PCM1: variants seen among roughly 807,000 people sequenced by gnomAD.
PCM1 encodes the protein pericentriolar material 1 protein.
PCM1 carries 157 observed loss-of-function variants against 241.9 expected under a neutral mutation model. The ratio of observed to expected loss-of-function variants is 0.65; its 90% confidence interval spans 0.57 to 0.74. The LOEUF (loss-of-function observed/expected upper bound fraction) is 0.74. Among genes scored for constraint, PCM1 ranks in the 30% least tolerant of loss-of-function variants. The pLI, the probability that PCM1 is intolerant of heterozygous loss-of-function variation, is 0.00. For synonymous variants in PCM1, 1,085 were observed against 784.9 expected (o/e 1.38, Z -6.39); for missense variants, 3,478 against 2,360.1 (o/e 1.47, Z -9.81).
intron 2 of PCM1, among the ~76,000 whole-genome samples, chr8:17,932,064 T>C (rs2059195685): frequency 6.6e-6 from 1 of 152,172 alleles, no homozygotes; most frequent in African/African-American, 2.4e-5. Context: ...TACTTTTTTA[T>C]ATTACTTTTT....
At chr8:17,945,628 A>C (rs566119891) in intron 6 of PCM1, among the ~76,000 whole-genome samples, 1 of 152,188 alleles carries the variant, frequency 6.6e-6, no homozygotes, top group Admixed American at 6.5e-5. Context: ...ACAGTTACTC[A>C]TGCTCATTCA....
rs1267696249 is a variant in PCM1, at chr8:17,986,070, C to G, written c.4393C>G (p.Leu1465Val). 1.3e-6 allele frequency: 2 copies of G among 1,582,114 alleles called. No homozygotes were observed. The highest frequency in any genetic ancestry group is 1.7e-6 in the Non-Finnish European group (2 of 1,164,314). ...SNSELTPSES[L>V]ATTDDETFEK... is the part of the protein sequence containing the mutation. ...CTCAGAACTTACTCCTAGTGAGAGC[C>G]TTGCTACTACTGATGATGTAAGCTG... Residue 1465 changes from leucine to valine, a missense_variant, in exon 26 of 39, where the codon CTT becomes GTT. Physicochemically the swap from Leu to Val is conservative, Grantham distance 32. Coordinates refer to ENST00000325083, the MANE Select transcript of PCM1 (RefSeq NM_006197.4).
At chr8:17,970,824 G>C (rs1380088186) in intron 22 of PCM1, among the ~76,000 whole-genome samples, 1 of 151,918 alleles carries the variant, frequency 6.6e-6, no homozygotes, top group African/African-American at 2.4e-5. Flanking sequence ...TATTATTTTA[G>C]ATATTTGGCC....
intron 2 of PCM1, among the ~76,000 whole-genome samples, chr8:17,931,247 T>C (rs997411264): frequency 6.6e-6 from 1 of 152,184 alleles, no homozygotes; most frequent in Non-Finnish European, 1.5e-5. Flanking sequence ...GGGGAATTTA[T>C]TGTGATAGGG....
chr8:18,025,610 A>T lies in PCM1; in HGVS notation c.6001A>T (p.Met2001Leu). 6.3e-7 allele frequency: 1 copy of T among 1,581,192 alleles called. No homozygotes were observed. The highest frequency in any genetic ancestry group is 1.2e-5 in the South Asian group (1 of 85,840). The change falls in exon 38 of 39, where the codon ATG becomes TTG. Residue 2001 changes from methionine to leucine, a missense_variant. Physicochemically the swap from Met to Leu is conservative, Grantham distance 15 (BLOSUM62 2). Transcript: ENST00000325083. ...KNHLSGEICE[M>L]QTEELAGNSE... ...CCATTTATCTGGTGAAATATGTGAAATGCAGACCGAAGAATTAGCTGGAAA... is the reference window on the plus strand; with the variant it reads ...CCATTTATCTGGTGAAATATGTGAATTGCAGACCGAAGAATTAGCTGGAAA...
chr8:17,926,460 G>T (rs2056995587), intron 2 of PCM1: 5 of 152,224 alleles, frequency 3.3e-5, no homozygotes, highest in Admixed American at 3.3e-4. Context: ...AACAGACAGG[G>T]TGCCTTTCTT....
At chr8:17,929,475 C>T (rs531787975) in intron 2 of PCM1, among the ~76,000 whole-genome samples, 31 of 152,152 alleles carry the variant, frequency 2.0e-4, no homozygotes, top group South Asian at 6.2e-4. Context: ...ATTTGTCAAC[C>T]GGACAATTTT....
At chr8:17,978,419 G>C (rs1587631987) in intron 23 of PCM1, among the ~76,000 whole-genome samples, 1 of 152,172 alleles carries the variant, frequency 6.6e-6, no homozygotes, top group Non-Finnish European at 1.5e-5. Flanking sequence ...CCTATGCAGA[G>C]TCTGGCAAAA....
intron 31 of PCM1, 58 bp downstream of exon 31, chr8:18,009,802 C>T (rs560995106): frequency 1.9e-6 from 2 of 1,061,126 alleles, no homozygotes; most frequent in Non-Finnish European, 2.5e-6. Context: ...AGTTCTTGAT[C>T]ATTATTATTA....
At chr8:18,011,523 C>T (rs1489909259) in intron 33 of PCM1, 144 bp from the exon 34 acceptor site, 8 of 1,056,042 alleles carry the variant, frequency 7.6e-6, no homozygotes, top group Non-Finnish European at 1.1e-5. Flanking sequence ...AGACTTTCTG[C>T]ACTGTAAGTT....
At position 17,969,704 on chromosome 8, in the gene PCM1, A is replaced by G; in HGVS notation, c.3540A>G (p.Pro1180=). ...SSGKTEYMAF[P]KPFESSSSIG... Reference sequence around the variant, plus strand: ...GAAAAACAGAATATATGGCTTTTCCAAAACCTTTTGAAAGCAGTTCCTCTA... The same window carrying G: ...GAAAAACAGAATATATGGCTTTTCCGAAACCTTTTGAAAGCAGTTCCTCTA... The change falls in exon 22 of 39, where the codon CCA becomes CCG. Residue 1180 remains proline, a synonymous_variant. Transcript: ENST00000325083. 12 of 1,612,558 alleles carry G rather than the reference A, an allele frequency of 7.4e-6. No individual in the cohort carries two copies. The highest frequency in any genetic ancestry group is 9.3e-6 in the Non-Finnish European group (11 of 1,179,280).
At chr8:17,936,493 A>C (rs899227339) in intron 3 of PCM1, among the ~76,000 whole-genome samples, 1 of 152,176 alleles carries the variant, frequency 6.6e-6, no homozygotes, top group African/African-American at 2.4e-5. Context: ...TCTATTTGAA[A>C]CTATAAGCAC....
At chr8:17,939,040 T>G in intron 5 of PCM1, 31 bp downstream of exon 5, 1 of 1,607,522 alleles carries the variant, frequency 6.2e-7, no homozygotes, top group South Asian at 1.1e-5. Flanking sequence ...TGCTCATTCT[T>G]TACACAAACC....
chr8:18,024,680 A>C (rs764485035), intron 36 of PCM1, among the ~76,000 whole-genome samples: 1 of 152,182 alleles, frequency 6.6e-6, no homozygotes, highest in Non-Finnish European at 1.5e-5. Flanking sequence ...AAATGGTCAA[A>C]TTTATGGGCT....
chr8:17,947,415 T>C (rs988689786), intron 7 of PCM1, 52 bp downstream of exon 7: 1 of 1,286,218 alleles, frequency 7.8e-7, no homozygotes, highest in African/African-American at 1.5e-5. Context: ...CATACATAAT[T>C]GTATTGCAGG....
chr8:18,000,201 C>T (rs186639318), intron 29 of PCM1, among the ~76,000 whole-genome samples: 9 of 152,110 alleles, frequency 5.9e-5, no homozygotes, highest in East Asian at 1.9e-4. Context: ...ATTAGCTTCG[C>T]GTGTTGAAGG....
chr8:18,025,573 A>G lies in PCM1; in HGVS notation c.5964A>G (p.Glu1988=), dbSNP rs2094133225. The change falls in exon 38 of 39, where the codon GAA becomes GAG. Residue 1988 remains glutamate, a synonymous_variant. Transcript: ENST00000325083. ...EADLRKKMVE[E]EQKNHLSGEI... is the part of the protein sequence containing the mutation. ...ATCTAAGAAAGAAAATGGTAGAAGAAGAACAGAAAAACCATTTATCTGGTG... is the reference window on the plus strand; with the variant it reads ...ATCTAAGAAAGAAAATGGTAGAAGAGGAACAGAAAAACCATTTATCTGGTG... The G allele has an allele frequency of 1.3e-6, 2 of 1,583,192 alleles. No homozygotes were observed. Among genetic ancestry groups the G allele is most frequent in the Non-Finnish European group, 1.7e-6 (2 of 1,164,720 alleles).
intron 6 of PCM1, among the ~76,000 whole-genome samples, chr8:17,945,422 C>T (rs376543623): frequency 6.6e-6 from 1 of 152,090 alleles, no homozygotes; most frequent in South Asian, 2.1e-4. Flanking sequence ...ATTTGTTTCC[C>T]ATGCTCATGA....
chr8:17,974,866 C>G (rs1391797650), intron 23 of PCM1, among the ~76,000 whole-genome samples: 3 of 151,008 alleles, frequency 2.0e-5, no homozygotes, highest in African/African-American at 4.9e-5. Flanking sequence ...GGCACACACA[C>G]ACACACACAC....
Sources: allele counts gnomAD v4.1 joint callset (sites outside exome capture counted in the v4.1 genomes callset), GRCh38; gene constraint gnomAD v4.1.1; transcripts MANE v1.5; gene names NCBI Gene and HGNC (gene_info 2026-07-23, HGNC 2026-07-21).